Variants in FGF12 observed in about 807,000 individuals in gnomAD.
FGF12 encodes fibroblast growth factor 12B.
A neutral mutation model predicts 23.6 loss-of-function variants in FGF12; 14 were observed. The ratio of observed to expected loss-of-function variants is 0.59; its 90% CI spans 0.39 to 0.93. The LOEUF is 0.93. FGF12 is among the 40% of genes least tolerant of loss of function. FGF12 has a pLI of 0.00. For missense variants in FGF12, 175 were observed against 217.8 expected, an observed-to-expected ratio of 0.80 and a Z score of 1.24; for synonymous variants, 62 against 77.3, an observed-to-expected ratio of 0.80 and a Z score of 1.04.
At chr3:192,666,095 AAACAATAGCTCTCAATTTGAT>A (rs1237248741) in intron 2 of FGF12, among the ~76,000 whole-genome samples, 18 of 152,230 alleles carry the variant, frequency 1.2e-4, no homozygotes, top group Non-Finnish European at 1.6e-4. Context: ...ACATACCCCA[AAACAATAGCTCTCAATTTGAT>A]AACAATAGCT....
intron 2 of FGF12, among the ~76,000 whole-genome samples, chr3:192,621,497 C>T (rs1488702686): frequency 6.6e-6 from 1 of 152,022 alleles, no homozygotes; most frequent in East Asian, 1.9e-4. Flanking sequence ...CCTCACTTTC[C>T]TCATAGCATA....
chr3:192,589,760 G>C (rs1713545240), intron 2 of FGF12, among the ~76,000 whole-genome samples: 1 of 151,894 alleles, frequency 6.6e-6, no homozygotes, highest in Admixed American at 6.6e-5. Flanking sequence ...ATCTCCTTTA[G>C]TCCCTCACTT....
chr3:192,257,689 T>C (rs1204486567), intron 4 of FGF12, among the ~76,000 whole-genome samples: 1 of 152,150 alleles, frequency 6.6e-6, no homozygotes, highest in Non-Finnish European at 1.5e-5. Context: ...GAGGGTTTTT[T>C]GTTTGTGTTT....
intron 2 of FGF12, among the ~76,000 whole-genome samples, chr3:192,642,328 C>T (rs1715836792): frequency 6.6e-6 from 1 of 152,172 alleles, no homozygotes; most frequent in Non-Finnish European, 1.5e-5. Context: ...GAGCACTGTT[C>T]AGTCAGCAAG....
chr3:192,433,216 T>C (rs987368775), intron 2 of FGF12, among the ~76,000 whole-genome samples: 2 of 152,186 alleles, frequency 1.3e-5, no homozygotes, highest in African/African-American at 4.8e-5. Context: ...ACTTTAGATA[T>C]AGAATGATCC....
intron 2 of FGF12, among the ~76,000 whole-genome samples, chr3:192,388,306 T>C (rs922803873): frequency 6.6e-6 from 1 of 152,126 alleles, no homozygotes. Context: ...TCTATAAAAA[T>C]AAGCAAAGAC....
At chr3:192,439,314 A>C (rs1461398786) in intron 2 of FGF12, among the ~76,000 whole-genome samples, 1 of 152,126 alleles carries the variant, frequency 6.6e-6, no homozygotes, top group Non-Finnish European at 1.5e-5. Context: ...AATTCATCCC[A>C]ATATTTCTTT....
rs114799050 is a variant in FGF12 at position 192,699,657 on chromosome 3, G to A, written c.13+27524C>T. Among the ~76,000 whole-genome samples, 547 of 152,252 alleles carry A rather than the reference G, an allele frequency of 3.6e-3. 2 individuals are homozygous for A. The highest frequency in any genetic ancestry group is 0.012 in the African/African-American group (488 of 41,552). On this transcript the variant is annotated intron_variant, in intron 2 of 5. Coordinates refer to ENST00000445105, the MANE Select transcript of FGF12 (RefSeq NM_004113.6). ...TCACCTGCAGTACTTGGAAAGAGGT[G>A]CATTTCTCAATTTATCCTGAGCTTG...
intron 4 of FGF12, among the ~76,000 whole-genome samples, chr3:192,192,392 AT>A (rs914672443): frequency 2.0e-5 from 3 of 149,154 alleles, no homozygotes; most frequent in African/African-American, 7.3e-5. Flanking sequence ...ATAGAAGAAA[AT>A]TTGTAAGATT....
chr3:192,553,280 T>G (rs899023502), intron 2 of FGF12, among the ~76,000 whole-genome samples: 2 of 152,024 alleles, frequency 1.3e-5, no homozygotes, highest in Non-Finnish European at 2.9e-5. Flanking sequence ...AAAAAGAAAT[T>G]ATATTGTAGG....
chr3:192,149,315 C>CT (rs143433495), intron 5 of FGF12, among the ~76,000 whole-genome samples: 31,342 of 151,404 alleles, frequency 0.21, 3,505 homozygotes, highest in African/African-American at 0.29. Flanking sequence ...GCATTTGAAC[C>CT]TTTTTTTTAT....
At chr3:192,614,834 G>C (rs138171705) in intron 2 of FGF12, among the ~76,000 whole-genome samples, 1 of 152,030 alleles carries the variant, frequency 6.6e-6, no homozygotes, top group Non-Finnish European at 1.5e-5. Context: ...CCCATCTACC[G>C]CAATCTCTAG....
intron 2 of FGF12, among the ~76,000 whole-genome samples, chr3:192,669,215 A>T (rs1717012265): frequency 4.6e-5 from 7 of 152,168 alleles, no homozygotes; most frequent in Admixed American, 4.6e-4. Flanking sequence ...AACATGAAAA[A>T]ATAGAAGAGA....
intron 2 of FGF12, among the ~76,000 whole-genome samples, chr3:192,415,757 C>CAT (rs1483826745): frequency 6.6e-6 from 1 of 151,596 alleles, no homozygotes; most frequent in East Asian, 1.9e-4. Flanking sequence ...CACACACACA[C>CAT]ACACACACAC....
intron 2 of FGF12, among the ~76,000 whole-genome samples, chr3:192,538,084 T>A (rs1335386454): frequency 6.6e-6 from 1 of 151,792 alleles, no homozygotes; most frequent in Non-Finnish European, 1.5e-5. Flanking sequence ...GCACCTGAGA[T>A]TACAGATGTG....
At chr3:192,536,343 T>G (rs914193317) in intron 2 of FGF12, among the ~76,000 whole-genome samples, 6 of 152,084 alleles carry the variant, frequency 3.9e-5, no homozygotes, top group African/African-American at 1.4e-4. Flanking sequence ...AAAGTTGAAA[T>G]AGACAGATTT....
intron 4 of FGF12, among the ~76,000 whole-genome samples, chr3:192,311,402 C>A (rs2108672755): frequency 6.6e-6 from 1 of 152,232 alleles, no homozygotes; most frequent in Non-Finnish European, 1.5e-5. Flanking sequence ...TAAAGTATAT[C>A]TTTTGTGACT....
chr3:192,727,377 C>G (rs1719254087), intron 1 of FGF12, 54 bp from the exon 2 acceptor site: 1 of 1,501,692 alleles, frequency 6.7e-7, no homozygotes, highest in Admixed American at 2.1e-5. Context: ...CCAAAGGACA[C>G]TTAGGAGCAG....
intron 3 of FGF12, among the ~76,000 whole-genome samples, chr3:192,356,296 C>G (rs958927541): frequency 3.9e-5 from 6 of 152,154 alleles, no homozygotes. Flanking sequence ...ACTTGTCAGG[C>G]AGCCCATTCC....
Sources: gnomAD v4.1 joint callset for allele counts (sites outside exome capture counted in the v4.1 genomes callset) on GRCh38, gnomAD v4.1.1 for gene constraint, MANE v1.5 for transcripts, NCBI Gene and HGNC (gene_info 2026-07-23, HGNC 2026-07-21) for gene names.